The following POLR1A variants were observed in gnomAD, a reference collection of about 807,000 sequenced individuals.
POLR1A encodes RNA polymerase I subunit A.
Under a neutral mutation model 205.3 loss-of-function variants are expected in POLR1A, and 84 were observed. The observed-to-expected ratio is 0.41, with a 90% CI of 0.34 to 0.49. The LOEUF is 0.49. POLR1A is among the 20% of genes least tolerant of loss of function. The probability of loss-of-function intolerance (pLI) is 0.22; values close to 1 mark genes in which losing one functional copy is unlikely to be tolerated. For synonymous variants in POLR1A, 799 were observed against 863.7 expected, an observed-to-expected ratio of 0.93 and a Z score of 1.31; for missense variants, 1,645 against 2,204.5, an observed-to-expected ratio of 0.75 and a Z score of 5.08.
At position 86,033,794 on chromosome 2, in the gene POLR1A, C is replaced by G; in HGVS notation, c.4035-7G>C. On this transcript the variant is annotated splice_polypyrimidine_tract_variant and splice_region_variant and intron_variant, in intron 27 of 33. Coordinates refer to ENST00000263857, the MANE Select transcript of POLR1A (RefSeq NM_015425.6). Reference sequence around the variant, plus strand: ...CATCAGAAGTTTAAAGAATCTAAAACAAGAAGAAAGCCAAAAAGCCCTGTG... The same window carrying G: ...CATCAGAAGTTTAAAGAATCTAAAAGAAGAAGAAAGCCAAAAAGCCCTGTG... 1 of 1,613,782 alleles carries G rather than the reference C, an allele frequency of 6.2e-7. No individual in the cohort carries two copies. The highest frequency in any genetic ancestry group is 1.3e-5 in the African/African-American group (1 of 75,038).
intron 8 of POLR1A, 119 bp from the exon 9 acceptor site, chr2:86,081,097 T>A (rs947316910): frequency 3.3e-6 from 3 of 896,038 alleles, no homozygotes; most frequent in Non-Finnish European, 5.1e-6. Flanking sequence ...ACAACCAACC[T>A]TCCTAACCAA....
At position 86,039,408 on chromosome 2, in the gene POLR1A, G is replaced by T. The variant is rs761302892; in HGVS notation, c.3795C>A (p.Ser1265Arg). 66 of 1,613,892 alleles carry T rather than the reference G, an allele frequency of 4.1e-5. No homozygotes were observed. The highest frequency in any genetic ancestry group is 5.4e-5 in the Non-Finnish European group (64 of 1,179,962). ...CTTTCTTGGTGTTGAGCACGGGCAC[G>T]CTCATCATGGGTGTCTTGATGTTGG... ...ASANIKTPMM[S>R]VPVLNTKKAL... Residue 1265 changes from serine to arginine, a missense_variant, in exon 26 of 34, where the codon AGC (serine) becomes AGA (arginine). Physicochemically the swap from Ser to Arg is moderately radical, Grantham distance 110 (BLOSUM62 -1). Transcript: ENST00000263857.
At chr2:86,072,644 G>C (rs1234023116) in intron 12 of POLR1A, among the ~76,000 whole-genome samples, 1 of 152,254 alleles carries the variant, frequency 6.6e-6, no homozygotes, top group African/African-American at 2.4e-5. Flanking sequence ...AGAATTTTCA[G>C]AGGCAGGCTC....
At chr2:86,031,238 G>T in intron 30 of POLR1A, 92 bp downstream of exon 30, 1 of 1,462,092 alleles carries the variant, frequency 6.8e-7, no homozygotes. Context: ...CCCCTGCCCA[G>T]CTGTGCAGGG....
chr2:86,065,687 T>C (rs1673073855), intron 13 of POLR1A: 3 of 544,538 alleles, frequency 5.5e-6, no homozygotes, highest in Non-Finnish European at 6.5e-6. Flanking sequence ...ATTTGCCCAC[T>C]ATCCTATATC....
At chr2:86,065,521 C>G (rs1673071573) in intron 13 of POLR1A, 56 bp from the exon 14 acceptor site, 1 of 1,501,524 alleles carries the variant, frequency 6.7e-7, no homozygotes, top group Middle Eastern at 1.8e-4. Context: ...AAGTCAAACT[C>G]TAATCCCTAA....
rs891436832 is a variant in POLR1A, at chr2:86,077,383, G to A, written c.1380+476C>T. 9.9e-5 allele frequency among the ~76,000 whole-genome samples: 15 copies of A among 152,164 alleles called. 1 individual carries two copies. The highest frequency in any genetic ancestry group is 1.9e-4 in the East Asian group (1 of 5,194). Reference sequence around the variant, plus strand: ...GGGCAACATGCACACGCCTCTCTCCGGGACTCACTCCCTTTCCTCTTCCCA... The same window carrying A: ...GGGCAACATGCACACGCCTCTCTCCAGGACTCACTCCCTTTCCTCTTCCCA... On this transcript the variant is annotated intron_variant, in intron 11 of 33. Coordinates refer to ENST00000263857, the MANE Select transcript of POLR1A (RefSeq NM_015425.6).
intron 26 of POLR1A, 29 bp downstream of exon 26, chr2:86,039,298 G>A (rs774108810): frequency 2.7e-5 from 43 of 1,611,846 alleles, no homozygotes; most frequent in South Asian, 2.4e-4. Context: ...CCTTCACCCC[G>A]TCTGCAACCT....
At chr2:86,063,916 T>C (rs1673044192) in intron 14 of POLR1A, among the ~76,000 whole-genome samples, 1 of 152,246 alleles carries the variant, frequency 6.6e-6, no homozygotes, top group African/African-American at 2.4e-5. Context: ...TACTTCAGAA[T>C]GCTTTCTAAT....
In POLR1A at chr2:86,070,788, A is replaced by G. The variant is rs914075849; in HGVS notation, c.1612-516T>C. 3.2e-4 allele frequency among the ~76,000 whole-genome samples: 48 copies of G among 152,252 alleles called. No individual in the cohort carries two copies. Among genetic ancestry groups the G allele is most frequent in the Non-Finnish European group, 5.1e-4 (35 of 68,018 alleles). On this transcript the variant is annotated intron_variant, in intron 12 of 33. Coordinates refer to ENST00000263857, the MANE Select transcript of POLR1A (RefSeq NM_015425.6). This position sits in a 1 kb window ranked among gnomAD's most constrained non-coding sequence, Gnocchi z 4.4. ...TTGCCCAGCTTCATATAGCAGAGCC[A>G]GAAAAGGGTTCTTAGTTAGTTCAAT... is the stretch of plus-strand genomic sequence containing the variant.
In POLR1A at chr2:86,027,493, G is replaced by A; in HGVS notation, c.5093C>T (p.Ala1698Val). The A allele has an allele frequency of 1.2e-6, 2 of 1,614,192 alleles. No homozygotes were observed. The highest frequency in any genetic ancestry group is 1.7e-6 in the Non-Finnish European group (2 of 1,180,016). The change falls in exon 34 of 34, where the codon GCC becomes GTC. Residue 1698 changes from alanine to valine, a missense_variant. Transcript: ENST00000263857. ...GACGACCTTCCCGACCACAAGGCAG[G>A]CAGAAGGAGACCTCAGCTCATCGTG... Reference protein sequence around the residue: ...GSHDELRSPSACLVVGKVVRG... With the variant: ...GSHDELRSPSVCLVVGKVVRG...
intron 13 of POLR1A, among the ~76,000 whole-genome samples, chr2:86,067,314 C>T (rs1481843437): frequency 6.6e-6 from 1 of 152,170 alleles, no homozygotes; most frequent in East Asian, 1.9e-4. Context: ...GGTTAGGATG[C>T]TTTGTGAATA....
rs1258073805 is a variant in POLR1A at position 86,028,061 on chromosome 2, G to A, written c.4898-12C>T. 6.2e-7 allele frequency: 1 copy of A among 1,614,034 alleles called. No individual in the cohort carries two copies. The highest frequency in any genetic ancestry group is 2.2e-5 in the East Asian group (1 of 44,876). On this transcript the variant is annotated splice_polypyrimidine_tract_variant and intron_variant, in intron 32 of 33. Coordinates refer to ENST00000263857, the MANE Select transcript of POLR1A (RefSeq NM_015425.6). The surrounding 1 kb of genome is among the most constrained non-coding windows in gnomAD (Gnocchi z 4.5). The stretch of plus-strand genomic sequence containing the variant: ...GTCGACCGCGATGCCTGTCAAACGG[G>A]AGGTAAAATTAGGAGGGATTAAGCA...
chr2:86,039,028 A>G (rs1672551032), intron 26 of POLR1A, 171 bp from the exon 27 acceptor site: 7 of 666,630 alleles, frequency 1.1e-5, no homozygotes, highest in Non-Finnish European at 1.8e-5. Flanking sequence ...GGGGGCCCAC[A>G]GCCTGCAGTC....
chr2:86,051,725 A>G (rs1672806804), intron 16 of POLR1A, among the ~76,000 whole-genome samples: 1 of 152,242 alleles, frequency 6.6e-6, no homozygotes, highest in African/African-American at 2.4e-5. Context: ...GACAGATCTG[A>G]TCTCAAGCCC....
At chr2:86,068,083 G>C (rs1487542092) in intron 13 of POLR1A, among the ~76,000 whole-genome samples, 2 of 152,180 alleles carry the variant, frequency 1.3e-5, no homozygotes, top group Non-Finnish European at 2.9e-5. Flanking sequence ...CACAATGTAA[G>C]CATGAAGTCT....
intron 21 of POLR1A, among the ~76,000 whole-genome samples, chr2:86,044,674 G>A (rs986427601): frequency 1.3e-5 from 2 of 152,204 alleles, no homozygotes; most frequent in Non-Finnish European, 2.9e-5. Flanking sequence ...AAAGACGGGC[G>A]AAGCAGGGGA....
chr2:86,045,014 A>C (rs1206403599), intron 21 of POLR1A, among the ~76,000 whole-genome samples: 3 of 151,394 alleles, frequency 2.0e-5, no homozygotes, highest in Non-Finnish European at 2.9e-5. Context: ...ACTGCCCAAG[A>C]CCTTCTCCCA....
intron 1 of POLR1A, 37 bp downstream of exon 1, chr2:86,105,663 G>T: frequency 6.8e-7 from 1 of 1,465,770 alleles, no homozygotes. Flanking sequence ...CCGACCTCAA[G>T]ATCCAGGCTG....
Sources: gnomAD v4.1 joint callset for allele counts (sites outside exome capture counted in the v4.1 genomes callset) on GRCh38, gnomAD v4.1.1 for gene constraint, Gnocchi (gnomAD v3.1) non-coding constraint, MANE v1.5 for transcripts, NCBI Gene and HGNC (gene_info 2026-07-23, HGNC 2026-07-21) for gene names.